Variants in DCDC2C observed in about 807,000 individuals in gnomAD.
DCDC2C encodes the protein doublecortin domain containing 2C.
In DCDC2C, 44 loss-of-function variants were observed where a neutral mutation model predicts 45.0. That is an observed-to-expected ratio of 0.98 (90% CI 0.77 to 1.26). DCDC2C has a LOEUF of 1.26. Among genes scored for constraint, DCDC2C ranks in the 50% most tolerant of loss-of-function variants. The pLI is 0.00. For missense variants in DCDC2C, 447 were observed against 468.9 expected, an observed-to-expected ratio of 0.95 and a Z score of 0.43; for synonymous variants, 187 against 178.8, an observed-to-expected ratio of 1.05 and a Z score of -0.37.
chr2:3,790,771 G>C (rs149017349), intron 10 of DCDC2C, among the ~76,000 whole-genome samples: 1 of 152,156 alleles, frequency 6.6e-6, no homozygotes, highest in Non-Finnish European at 1.5e-5. Flanking sequence ...GTAATGCTAA[G>C]TGGTGTCGTG....
chr2:3,837,757 G>A (rs1266617103), intron 10 of DCDC2C, among the ~76,000 whole-genome samples: 1 of 151,852 alleles, frequency 6.6e-6, no homozygotes, highest in Non-Finnish European at 1.5e-5. Context: ...ATCAAGAGAG[G>A]CGATAACTGC....
intron 2 of DCDC2C, among the ~76,000 whole-genome samples, chr2:3,713,252 AC>A: frequency 6.6e-6 from 1 of 152,210 alleles, no homozygotes; most frequent in Non-Finnish European, 1.5e-5. Context: ...CCCTTACATC[AC>A]AGAAGGAGAA....
chr2:3,816,554 T>C (rs560418197), intron 10 of DCDC2C, among the ~76,000 whole-genome samples: 1 of 151,878 alleles, frequency 6.6e-6, no homozygotes, highest in Non-Finnish European at 1.5e-5. Context: ...GTGAGTGAGA[T>C]TGATAGTGTG....
intron 10 of DCDC2C, among the ~76,000 whole-genome samples, chr2:3,826,979 T>C (rs1241321512): frequency 6.9e-6 from 1 of 144,032 alleles, no homozygotes; most frequent in African/African-American, 2.5e-5. Flanking sequence ...CTCCCTCCAA[T>C]TGTTTATTAA....
intron 3 of DCDC2C, among the ~76,000 whole-genome samples, chr2:3,737,397 G>A (rs1669062386): frequency 6.8e-6 from 1 of 147,822 alleles, no homozygotes; most frequent in African/African-American, 2.5e-5. Context: ...TTCATGGCCC[G>A]TTTACTACCC....
At chr2:3,757,190 G>A (rs987653718) in intron 6 of DCDC2C, among the ~76,000 whole-genome samples, 1 of 152,112 alleles carries the variant, frequency 6.6e-6, no homozygotes. Context: ...TGATAAATGT[G>A]TTTGTTTCTT....
intron 3 of DCDC2C, among the ~76,000 whole-genome samples, chr2:3,740,749 C>A (rs1462046278): frequency 2.6e-5 from 4 of 152,126 alleles, no homozygotes; most frequent in South Asian, 2.1e-4. Flanking sequence ...TGATTGGAAG[C>A]CTCTTTTGCC....
At chr2:3,760,380 A>G (rs895308685) in intron 6 of DCDC2C, among the ~76,000 whole-genome samples, 4 of 152,210 alleles carry the variant, frequency 2.6e-5, no homozygotes, top group Admixed American at 2.6e-4. Context: ...ACATGCACCC[A>G]TATGTTTATT....
intron 2 of DCDC2C, among the ~76,000 whole-genome samples, chr2:3,713,019 A>T (rs1668256482): frequency 6.9e-6 from 1 of 144,992 alleles, no homozygotes; most frequent in African/African-American, 2.4e-5. Flanking sequence ...AAAGATGAAT[A>T]AAGAGTTCAA....
At chr2:3,819,484 AACT>A (rs1405723759) in intron 10 of DCDC2C, among the ~76,000 whole-genome samples, 10 of 152,326 alleles carry the variant, frequency 6.6e-5, no homozygotes, top group African/African-American at 1.9e-4. Flanking sequence ...AAGGAATTGC[AACT>A]CTTCTCTATT....
intron 8 of DCDC2C, among the ~76,000 whole-genome samples, chr2:3,774,110 G>T (rs935118689): frequency 6.6e-6 from 1 of 152,164 alleles, no homozygotes; most frequent in Non-Finnish European, 1.5e-5. Flanking sequence ...ATTAGGAGAA[G>T]GTCAATCTAA....
chr2:3,812,534 C>T (rs1186407868), intron 10 of DCDC2C, among the ~76,000 whole-genome samples: 1 of 152,056 alleles, frequency 6.6e-6, no homozygotes, highest in Non-Finnish European at 1.5e-5. Flanking sequence ...AAAACCGGCT[C>T]CTGGATTCAT....
intron 8 of DCDC2C, among the ~76,000 whole-genome samples, chr2:3,776,795 G>A (rs780629798): frequency 1.3e-5 from 2 of 152,236 alleles, no homozygotes; most frequent in Non-Finnish European, 2.9e-5. Flanking sequence ...AGACACTGAA[G>A]CTCAGCAGAG....
chr2:3,836,511 G>C (rs1672079599), intron 10 of DCDC2C, among the ~76,000 whole-genome samples: 2 of 152,196 alleles, frequency 1.3e-5, no homozygotes, highest in African/African-American at 4.8e-5. Flanking sequence ...GCTAATTTTG[G>C]TTTTGATAAA....
At chr2:3,817,176 G>T (rs1053200207) in intron 10 of DCDC2C, among the ~76,000 whole-genome samples, 14 of 152,220 alleles carry the variant, frequency 9.2e-5, no homozygotes, top group African/African-American at 3.4e-4. Flanking sequence ...TACCTTATCA[G>T]CATTAGCACT....
chr2:3,724,700 C>T (rs1039358690), intron 2 of DCDC2C, among the ~76,000 whole-genome samples: 2 of 152,056 alleles, frequency 1.3e-5, no homozygotes, highest in African/African-American at 2.4e-5. Context: ...GTCTGGGTGT[C>T]GAGAAGCAGG....
chr2:3,739,247 A>C (rs1171258063), intron 3 of DCDC2C, among the ~76,000 whole-genome samples: 4 of 152,216 alleles, frequency 2.6e-5, no homozygotes, highest in African/African-American at 9.7e-5. Context: ...GGAAGAGTGT[A>C]GTCCCTTTAA....
chr2:3,735,355 C>T lies in DCDC2C; in HGVS notation c.417-6565C>T, dbSNP rs192324298. Reference sequence around the variant, plus strand: ...TGTATACATGTGCCATGTTGGTGTGCTGCACCCATTAACTCATCATTTAGC... The same window carrying T: ...TGTATACATGTGCCATGTTGGTGTGTTGCACCCATTAACTCATCATTTAGC... On this transcript the variant is annotated intron_variant, in intron 3 of 10. Coordinates refer to ENST00000399143, the MANE Select transcript of DCDC2C (RefSeq NM_001287444.2). Among the ~76,000 whole-genome samples the T allele has an allele frequency of 2.7e-3, 405 of 151,828 alleles. 2 individuals are homozygous for T. The highest frequency in any genetic ancestry group is 0.014 in the Middle Eastern group (4 of 294).
intron 3 of DCDC2C, among the ~76,000 whole-genome samples, chr2:3,727,729 C>T (rs763739646): frequency 2.0e-5 from 3 of 152,208 alleles, no homozygotes; most frequent in East Asian, 1.9e-4. Context: ...TTGACTTGAA[C>T]GAAACGTTGG....
Sources: allele counts gnomAD v4.1 joint callset (sites outside exome capture counted in the v4.1 genomes callset), GRCh38; gene constraint gnomAD v4.1.1; transcripts MANE v1.5; gene names NCBI Gene and HGNC (gene_info 2026-07-23, HGNC 2026-07-21).